The following RBMS3 variants were observed in gnomAD, a reference collection of about 807,000 sequenced individuals.
RBMS3 encodes RNA-binding motif, single-stranded-interacting protein 3.
In RBMS3, 27 loss-of-function variants were observed where a neutral mutation model predicts 66.8. The observed-to-expected ratio is 0.40, with a 90% CI of 0.30 to 0.56. The LOEUF is 0.56. Among genes scored for constraint, RBMS3 ranks in the 20% least tolerant of loss-of-function variants. The pLI is 0.40. For missense variants in RBMS3, 513 were observed against 549.5 expected, an observed-to-expected ratio of 0.93 and a Z score of 0.66; for synonymous variants, 188 against 183.0, an observed-to-expected ratio of 1.03 and a Z score of -0.22.
intron 4 of RBMS3, among the ~76,000 whole-genome samples, chr3:29,688,014 A>G (rs147151679): frequency 1.5e-3 from 228 of 152,308 alleles, no homozygotes; most frequent in African/African-American, 5.3e-3. Flanking sequence ...AGCTGCACGA[A>G]TAATTACCGT....
At chr3:29,996,720 A>G (rs937221124) in intron 14 of RBMS3, among the ~76,000 whole-genome samples, 3 of 152,192 alleles carry the variant, frequency 2.0e-5, no homozygotes, top group African/African-American at 4.8e-5. Context: ...TTGAACCAAC[A>G]AGAACAAAGA....
intron 3 of RBMS3, among the ~76,000 whole-genome samples, chr3:29,499,328 A>G (rs1042032949): frequency 6.6e-6 from 1 of 152,100 alleles, no homozygotes; most frequent in Non-Finnish European, 1.5e-5. Flanking sequence ...CCTTCCCTTT[A>G]GTAAAGAAAA....
At chr3:29,302,331 T>A (rs943107552) in intron 1 of RBMS3, among the ~76,000 whole-genome samples, 2 of 151,960 alleles carry the variant, frequency 1.3e-5, no homozygotes, top group African/African-American at 4.8e-5. Context: ...TTATCACTGG[T>A]GGTACTTTCT....
intron 4 of RBMS3, among the ~76,000 whole-genome samples, chr3:29,716,485 G>A (rs968738914): frequency 1.3e-5 from 2 of 152,108 alleles, no homozygotes; most frequent in Non-Finnish European, 1.5e-5. Context: ...TATTCTTTGT[G>A]CCACCACCCA....
chr3:29,929,788 A>G (rs542039775), intron 10 of RBMS3, among the ~76,000 whole-genome samples: 1 of 152,212 alleles, frequency 6.6e-6, no homozygotes, highest in East Asian at 1.9e-4. Context: ...TAAACATTAT[A>G]CCCCTAGCCC....
chr3:29,582,782 G>A (rs2047377729), intron 3 of RBMS3, among the ~76,000 whole-genome samples: 1 of 151,930 alleles, frequency 6.6e-6, no homozygotes, highest in Non-Finnish European at 1.5e-5. Context: ...TATTCTTTAG[G>A]GGCAGTCTCC....
At chr3:29,982,032 C>T (rs545111563) in intron 12 of RBMS3, among the ~76,000 whole-genome samples, 5 of 152,220 alleles carry the variant, frequency 3.3e-5, no homozygotes, top group African/African-American at 4.8e-5. Context: ...TGGTAGAATT[C>T]GGCCATGAAT....
At chr3:29,347,910 A>G (rs1272808803) in intron 1 of RBMS3, among the ~76,000 whole-genome samples, 2 of 152,244 alleles carry the variant, frequency 1.3e-5, no homozygotes, top group African/African-American at 2.4e-5. Context: ...ACAATAACCT[A>G]TTCACATTAA....
At chr3:29,752,660 G>A (rs1442779664) in intron 5 of RBMS3, among the ~76,000 whole-genome samples, 1 of 152,100 alleles carries the variant, frequency 6.6e-6, no homozygotes, top group East Asian at 1.9e-4. Flanking sequence ...AGCAAATTTT[G>A]TATTAATAGC....
intron 6 of RBMS3, among the ~76,000 whole-genome samples, chr3:29,816,331 CACACACACACA>C (rs2057901300): frequency 2.7e-5 from 4 of 146,878 alleles, no homozygotes; most frequent in Non-Finnish European, 6.2e-5. Flanking sequence ...CACACACACA[CACACACACACA>C]CACACACATT....
chr3:29,942,537 G>A (rs1037132975), intron 11 of RBMS3, among the ~76,000 whole-genome samples: 13 of 151,198 alleles, frequency 8.6e-5, no homozygotes, highest in African/African-American at 2.9e-4. Context: ...GAAAGAGAGA[G>A]AAAGAGAAAG....
intron 6 of RBMS3, among the ~76,000 whole-genome samples, chr3:29,775,847 T>A (rs748738583): frequency 2.0e-5 from 3 of 151,996 alleles, no homozygotes; most frequent in African/African-American, 2.4e-5. Flanking sequence ...CTTAAAAAAA[T>A]TTCAGAAATA....
chr3:29,571,627 G>T (rs761177672), intron 3 of RBMS3, among the ~76,000 whole-genome samples: 13 of 152,110 alleles, frequency 8.5e-5, no homozygotes, highest in Admixed American at 5.2e-4. Flanking sequence ...TGTTCCATTG[G>T]CCTATGTGTC....
chr3:29,413,608 A>G (rs1220511499), intron 1 of RBMS3, among the ~76,000 whole-genome samples: 3 of 152,230 alleles, frequency 2.0e-5, no homozygotes, highest in South Asian at 2.1e-4. Flanking sequence ...AGGATAAACA[A>G]TGGTACAGTA....
At chr3:29,528,582 C>T (rs1234297991) in intron 3 of RBMS3, among the ~76,000 whole-genome samples, 1 of 152,150 alleles carries the variant, frequency 6.6e-6, no homozygotes, top group African/African-American at 2.4e-5. Context: ...ATTACATTTT[C>T]ATGATCATTT....
intron 1 of RBMS3, among the ~76,000 whole-genome samples, chr3:29,305,305 C>G (rs2033933027): frequency 6.6e-6 from 1 of 151,866 alleles, no homozygotes; most frequent in Non-Finnish European, 1.5e-5. Flanking sequence ...TGTTTATTTT[C>G]TTACTTGTTT....
intron 6 of RBMS3, among the ~76,000 whole-genome samples, chr3:29,864,089 G>A (rs934374563): frequency 2.0e-5 from 3 of 152,154 alleles, no homozygotes; most frequent in Non-Finnish European, 4.4e-5. Flanking sequence ...TTTAGCAACA[G>A]TAATTATTTA....
intron 1 of RBMS3, among the ~76,000 whole-genome samples, chr3:29,307,124 T>C (rs1040878201): frequency 6.6e-6 from 1 of 151,930 alleles, no homozygotes; most frequent in African/African-American, 2.4e-5. Flanking sequence ...CATTTCAGTC[T>C]TCAAACTCAG....
chr3:29,819,809 C>T (rs1400369212), intron 6 of RBMS3, among the ~76,000 whole-genome samples: 1 of 152,112 alleles, frequency 6.6e-6, no homozygotes, highest in Non-Finnish European at 1.5e-5. Context: ...ATATGAAAAT[C>T]AAGGATAGCT....
Sources: gnomAD v4.1 joint callset for allele counts (sites outside exome capture counted in the v4.1 genomes callset) on GRCh38, gnomAD v4.1.1 for gene constraint, MANE v1.5 for transcripts, NCBI Gene and HGNC (gene_info 2026-07-23, HGNC 2026-07-21) for gene names.